ATP6V1B1: variants seen among roughly 807,000 people sequenced by gnomAD.
ATP6V1B1 encodes the protein ATPase H+ transporting V1 subunit B1, also known as V-type proton ATPase subunit B, kidney isoform.
ATP6V1B1 carries 41 observed loss-of-function variants against 62.1 expected under a neutral mutation model. That is an observed-to-expected ratio of 0.66 (90% CI 0.51 to 0.86). The LOEUF is 0.86. Ranked by LOEUF, ATP6V1B1 falls within the 40% of genes least tolerant of loss-of-function variation. The pLI is 0.00. For synonymous variants in ATP6V1B1, 253 were observed against 273.4 expected (o/e 0.93, Z 0.74); for missense variants, 651 against 697.5 (o/e 0.93, Z 0.75).
At chr2:70,956,433 C>A (rs1410317473) in intron 2 of ATP6V1B1, among the ~76,000 whole-genome samples, 1 of 152,120 alleles carries the variant, frequency 6.6e-6, no homozygotes, top group Non-Finnish European at 1.5e-5. Context: ...TGTATGAATA[C>A]ATCATATTTT....
chr2:70,958,063 G>A lies in ATP6V1B1; in HGVS notation c.192G>A (p.Glu64=). 2 of 1,614,102 alleles carry A rather than the reference G, an allele frequency of 1.2e-6. No individual in the cohort carries two copies. The highest frequency in any genetic ancestry group is 1.7e-5 in the Admixed American group (1 of 60,008). The change falls in exon 3 of 14, where the codon GAG becomes GAA. Residue 64 remains glutamate (E), a synonymous_variant. Transcript: ENST00000234396. ...CCTGCCAGTTTGCCCAGTATGCGGAGATCGTCCACTTCACCCTCCCAGATG... is the reference window on the plus strand; with the variant it reads ...CCTGCCAGTTTGCCCAGTATGCGGAAATCGTCCACTTCACCCTCCCAGATG... The part of the protein sequence containing the change: ...LDRVKFAQYA[E]IVHFTLPDGT...
chr2:70,957,250 A>AATATATATATATAT (rs55638187), intron 2 of ATP6V1B1, among the ~76,000 whole-genome samples: 10 of 144,842 alleles, frequency 6.9e-5, no homozygotes, highest in African/African-American at 2.6e-4. Context: ...CACACCTGGC[A>AATATATATATATAT]ATATATATAT....
intron 2 of ATP6V1B1, among the ~76,000 whole-genome samples, chr2:70,951,063 C>A (rs1680313961): frequency 6.6e-6 from 1 of 151,118 alleles, no homozygotes; most frequent in African/African-American, 2.4e-5. Flanking sequence ...CTGCCTCAGC[C>A]TCCCGAGAAG....
rs35691004 is a variant in ATP6V1B1, at chr2:70,937,465, G to C, written c.118+1393G>C. On this transcript the variant is annotated intron_variant, in intron 1 of 13. Coordinates refer to ENST00000234396, the MANE Select transcript of ATP6V1B1 (RefSeq NM_001692.4). The stretch of plus-strand genomic sequence containing the variant: ...TCAGATTTCTCAAGCAAGGCCTGTA[G>C]GCCCTGCCCCATGGAGCTCGGGGGA... Among the ~76,000 whole-genome samples the C allele has an allele frequency of 2.6e-5, 4 of 152,086 alleles. No homozygotes were observed. In the East Asian group the frequency reaches 7.8e-4, roughly 29 times the overall value.
intron 12 of ATP6V1B1, 85 bp from the exon 13 acceptor site, chr2:70,964,651 C>CGGG (rs1407214972): frequency 6.2e-7 from 1 of 1,612,148 alleles, no homozygotes; most frequent in African/African-American, 1.3e-5. Flanking sequence ...CCTTTCCGAA[C>CGGG]GGGGTCCCAG....
At chr2:70,951,769 C>T (rs1680327757) in intron 2 of ATP6V1B1, among the ~76,000 whole-genome samples, 1 of 152,022 alleles carries the variant, frequency 6.6e-6, no homozygotes, top group African/African-American at 2.4e-5. Flanking sequence ...TGTGGTGGCA[C>T]ATGCCTGTAA....
intron 2 of ATP6V1B1, chr2:70,943,964 A>G: frequency 2.1e-6 from 2 of 971,182 alleles, no homozygotes; most frequent in African/African-American, 1.8e-5. Flanking sequence ...GCCTTGGGAA[A>G]CCTCCTACTA....
At chr2:70,947,015 T>A (rs1222906827) in intron 2 of ATP6V1B1, among the ~76,000 whole-genome samples, 2 of 152,150 alleles carry the variant, frequency 1.3e-5, no homozygotes, top group African/African-American at 4.8e-5. Flanking sequence ...ATGCTACAAT[T>A]CTGTTTCTAC....
In ATP6V1B1 at chr2:70,936,064, C is replaced by A; in HGVS notation, c.110C>A (p.Pro37His). ...GTCACCCGAAACTACATCACCCACCCCCGTGTCAGTGAGTAGCCCCTCCAC... is the reference window on the plus strand; with the variant it reads ...GTCACCCGAAACTACATCACCCACCACCGTGTCAGTGAGTAGCCCCTCCAC... ...QAVTRNYITH[P>H]RVTYRTVCSV... The change falls in exon 1 of 14, where the codon CCC becomes CAC. Residue 37 changes from proline (P) to histidine (H), a missense_variant. Transcript: ENST00000234396. 2 of 1,614,034 alleles carry A rather than the reference C, an allele frequency of 1.2e-6. No homozygotes were observed. Among genetic ancestry groups the A allele is most frequent in the Non-Finnish European group, 1.7e-6 (2 of 1,179,928 alleles).
At chr2:70,949,207 T>C (rs1680263513) in intron 2 of ATP6V1B1, among the ~76,000 whole-genome samples, 1 of 152,036 alleles carries the variant, frequency 6.6e-6, no homozygotes, top group South Asian at 2.1e-4. Flanking sequence ...GTCAGTCCCT[T>C]GAGAGCCAAG....
chr2:70,964,112 GTATTTTTTTTT>G, intron 11 of ATP6V1B1: 3 of 156,556 alleles, frequency 1.9e-5, no homozygotes, highest in South Asian at 1.5e-4. Flanking sequence ...TGCTTGGCAG[GTATTTTTTTTT>G]TTTTTTTTTT....
In ATP6V1B1 at chr2:70,964,969, A is replaced by AACCG. The variant is rs1553420798; in HGVS notation, c.1391_1394dup (p.Ser466ProfsTer46). 1 of 1,613,958 alleles carries AACCG rather than the reference A, an allele frequency of 6.2e-7. No homozygotes were observed. Among genetic ancestry groups the AACCG allele is most frequent in the South Asian group, 1.1e-5 (1 of 91,078 alleles). Reference sequence around the variant, plus strand: ...CGCTCTGTCCCTAGGCCCCTACGAGAACCGCTCGGTGTTCGAGTCGCTGGA... The same window carrying AACCG: ...CGCTCTGTCCCTAGGCCCCTACGAGAACCGACCGCTCGGTGTTCGAGTCGCTGGA... On this transcript the variant is annotated frameshift_variant, in exon 14 of 14. Transcript: ENST00000234396. LOFTEE classifies it high-confidence loss of function.
intron 1 of ATP6V1B1, among the ~76,000 whole-genome samples, chr2:70,936,870 C>A (rs987003705): frequency 1.3e-5 from 2 of 152,032 alleles, no homozygotes; most frequent in African/African-American, 4.8e-5. Flanking sequence ...CTGGGATGTA[C>A]CCTTGTCAAT....
At chr2:70,947,202 A>AT (rs1680201917) in intron 2 of ATP6V1B1, among the ~76,000 whole-genome samples, 2 of 151,986 alleles carry the variant, frequency 1.3e-5, no homozygotes, top group Non-Finnish European at 2.9e-5. Context: ...GTGCCTGTGC[A>AT]TTTTTCTGGT....
intron 2 of ATP6V1B1, among the ~76,000 whole-genome samples, chr2:70,947,312 G>T (rs1680204730): frequency 1.3e-5 from 2 of 152,140 alleles, no homozygotes; most frequent in Admixed American, 6.5e-5. Context: ...AATATCAGGG[G>T]TGCAGGGGGC....
intron 2 of ATP6V1B1, among the ~76,000 whole-genome samples, chr2:70,947,876 G>T (rs1315441577): frequency 3.3e-5 from 5 of 152,164 alleles, no homozygotes; most frequent in African/African-American, 1.2e-4. Context: ...TGCTCAGTAT[G>T]CGGCTGGGAA....
chr2:70,955,756 C>A (rs1007360799), intron 2 of ATP6V1B1: 1 of 151,904 alleles, frequency 6.6e-6, no homozygotes, highest in Non-Finnish European at 1.5e-5. Context: ...CTCTGCTAGG[C>A]AAAAAAACAA....
intron 1 of ATP6V1B1, chr2:70,943,386 T>A: frequency 1.6e-6 from 1 of 607,518 alleles, no homozygotes; most frequent in Non-Finnish European, 3.0e-6. Context: ...ATGAGAGGCC[T>A]CTGTGTGGTG....
intron 2 of ATP6V1B1, among the ~76,000 whole-genome samples, chr2:70,944,546 G>A (rs767644356): frequency 5.1e-4 from 78 of 151,950 alleles, no homozygotes; most frequent in Non-Finnish European, 9.7e-4. Flanking sequence ...TTGTGATGGC[G>A]ATGGCCTTGG....
Sources: gnomAD v4.1 joint callset for allele counts (sites outside exome capture counted in the v4.1 genomes callset) on GRCh38, gnomAD v4.1.1 for gene constraint, MANE v1.5 for transcripts, NCBI Gene and HGNC (gene_info 2026-07-23, HGNC 2026-07-21) for gene names.